The following ELOVL3 variants were observed in gnomAD, a reference collection of about 807,000 sequenced individuals.
ELOVL3 encodes the protein very long chain fatty acid elongase 3.
Under a neutral mutation model 14.9 loss-of-function variants are expected in ELOVL3, and 11 were observed. The observed-to-expected ratio is 0.74, with a 90% confidence interval of 0.46 to 1.22. The LOEUF is 1.22. Ranked by LOEUF, ELOVL3 falls within the 50% of genes most tolerant of loss-of-function variation. ELOVL3 has a pLI of 0.00. For missense variants in ELOVL3, 277 were observed against 338.9 expected, an observed-to-expected ratio of 0.82 and a Z score of 1.43; for synonymous variants, 117 against 124.7, an observed-to-expected ratio of 0.94 and a Z score of 0.41.
rs1024550373 is a variant in ELOVL3, at chr10:102,226,309, G to C, written c.-240G>C. ...GGATAGCGGCGGGGCGCAGGAAAGA[G>C]GTCGCGCCAGCCCGGGCAGGCAGCT... is the stretch of plus-strand genomic sequence containing the variant. On this transcript the variant is annotated 5_prime_UTR_variant, in exon 1 of 4. Transcript: ENST00000370005. 6.1e-6 allele frequency: 3 copies of C among 492,176 alleles called. No individual in the cohort carries two copies. The highest frequency in any genetic ancestry group is 6.0e-5 in the African/African-American group (3 of 50,208). 30.5% of individuals were successfully genotyped at this position (492,176 alleles called of 1,614,324 possible). A position where few individuals can be genotyped will look rare whatever the true frequency, so the allele number is the denominator to read the frequency against.
Position 102,226,626 on chromosome 10 carries a change from G to A in ELOVL3, c.78G>A (p.Met26Ile), listed in dbSNP as rs1026254028. The change falls in exon 1 of 4, where the codon ATG (methionine) becomes ATA (isoleucine). Residue 26 changes from methionine to isoleucine, a missense_variant. By Grantham distance (10) the Met-to-Ile change is conservative (BLOSUM62 1). Transcript: ENST00000370005. ...QPYNFELSKDMRPFFEEYWAT... is the reference protein window; with the variant it reads ...QPYNFELSKDIRPFFEEYWAT... ...ATAACTTCGAGCTGTCCAAGGACAT[G>A]AGGCCCTTTTTCGAGGAGTATTGGT... 3.1e-6 allele frequency: 5 copies of A among 1,614,020 alleles called. No individual in the cohort carries two copies. Among genetic ancestry groups the A allele is most frequent in the Admixed American group, 3.3e-5 (2 of 60,022 alleles).
upstream of ELOVL3, among the ~76,000 whole-genome samples, chr10:102,225,737 A>C (rs1235729609): frequency 6.6e-6 from 1 of 152,164 alleles, no homozygotes; most frequent in Non-Finnish European, 1.5e-5. Context: ...GTCAGTCTGG[A>C]GCAGTTCAGG....
At position 102,228,586 on chromosome 10, in the gene ELOVL3, G is replaced by A; in HGVS notation, c.385+18G>A. The A allele has an allele frequency of 6.2e-7, 1 of 1,613,128 alleles. No individual in the cohort carries two copies. Among genetic ancestry groups the A allele is most frequent in the Non-Finnish European group, 8.5e-7 (1 of 1,179,438 alleles). ...AGAACTCGGTGAGTGGCAAAGCTTT[G>A]TCTTTCTGGTGCCTTGTGAACTGCA... On this transcript the variant is annotated intron_variant, in intron 3 of 3. Coordinates refer to ENST00000370005, the MANE Select transcript of ELOVL3 (RefSeq NM_152310.3).
Position 102,229,503 on chromosome 10 carries a change from A to G in ELOVL3, c.*251A>G. The stretch of plus-strand genomic sequence containing the variant: ...CCCTGGGATGGGAGTGGGGCGGAGG[A>G]GGGTCCTAAGAGCTGATTATTTAAT... On this transcript the variant is annotated 3_prime_UTR_variant, in exon 4 of 4. Transcript: ENST00000370005. 4 of 459,276 alleles carry G rather than the reference A, an allele frequency of 8.7e-6. No homozygotes were observed. Among genetic ancestry groups the G allele is most frequent in the Admixed American group, 3.9e-5 (1 of 25,880 alleles). 28.5% of individuals were successfully genotyped at this position (459,276 alleles called of 1,614,324 possible).
intron 2 of ELOVL3, among the ~76,000 whole-genome samples, 167 bp downstream of exon 2, chr10:102,227,924 CTGTTA>C (rs2070152221): frequency 6.6e-6 from 1 of 152,106 alleles, no homozygotes; most frequent in South Asian, 2.1e-4. Context: ...TCACCCTCTT[CTGTTA>C]TATTATCCTG....
upstream of ELOVL3, among the ~76,000 whole-genome samples, chr10:102,226,103 C>G (rs971789736): frequency 6.6e-6 from 1 of 152,168 alleles, no homozygotes; most frequent in South Asian, 2.1e-4. Flanking sequence ...ACCCGCAAGG[C>G]CGCACAGGAT....
chr10:102,228,871 T>C lies in ELOVL3; in HGVS notation c.432T>C (p.Ile144=), dbSNP rs1590403554. ...TGCGTAAGCGGCCACTCATCTTTAT[T>C]CACTGGTACCACCACAGCACAGTGC... is the stretch of plus-strand genomic sequence containing the variant. The part of the protein sequence containing the change: ...IILRKRPLIF[I]HWYHHSTVLV... Residue 144 remains isoleucine, a synonymous_variant, in exon 4 of 4, where the codon ATT becomes ATC. Coordinates refer to ENST00000370005, the MANE Select transcript of ELOVL3 (RefSeq NM_152310.3). The C allele has an allele frequency of 6.2e-7, 1 of 1,613,988 alleles. No homozygotes were observed. Among genetic ancestry groups the C allele is most frequent in the Non-Finnish European group, 8.5e-7 (1 of 1,179,882 alleles).
rs1253792353 is a variant in ELOVL3, at chr10:102,229,251, G to A, written c.812G>A (p.Ter271=). ...PKVKAKTKSQ[*] ...GTCAAAGCCAAGACCAAGAGCCAGT[G>A]AAGGTTTGGAGAGAACAATGAAGCT... is the stretch of plus-strand genomic sequence containing the variant. Residue 271 remains the stop codon, a stop_retained_variant, in exon 4 of 4, where the codon TGA becomes TAA. Transcript: ENST00000370005. 3 of 1,606,076 alleles carry A rather than the reference G, an allele frequency of 1.9e-6. No homozygotes were observed. Among genetic ancestry groups the A allele is most frequent in the Admixed American group, 3.3e-5 (2 of 59,766 alleles).
chr10:102,226,536 T>A lies in ELOVL3; in HGVS notation c.-13T>A. Reference sequence around the variant, plus strand: ...CGCCTCCAAGCTTTGGACCTTGACTTCTGCAAAACTAGATGGTCACAGCCA... The same window carrying A: ...CGCCTCCAAGCTTTGGACCTTGACTACTGCAAAACTAGATGGTCACAGCCA... On this transcript the variant is annotated 5_prime_UTR_variant, in exon 1 of 4. Coordinates refer to ENST00000370005, the MANE Select transcript of ELOVL3 (RefSeq NM_152310.3). The A allele has an allele frequency of 6.2e-7, 1 of 1,608,200 alleles. No individual in the cohort carries two copies. Among genetic ancestry groups the A allele is most frequent in the Non-Finnish European group, 8.5e-7 (1 of 1,175,000 alleles).
At chr10:102,226,881 A>G (rs1190096374) in intron 1 of ELOVL3, among the ~76,000 whole-genome samples, 1 of 152,048 alleles carries the variant, frequency 6.6e-6, no homozygotes, top group Non-Finnish European at 1.5e-5. Context: ...GGAAATATAC[A>G]GAAGTCAAAG....
chr10:102,226,393 G>A lies in ELOVL3; in HGVS notation c.-156G>A. The A allele has an allele frequency of 1.7e-6, 1 of 583,034 alleles. No individual in the cohort carries two copies. The highest frequency in any genetic ancestry group is 3.0e-6 in the Non-Finnish European group (1 of 328,390). The allele number at this position is 583,034 out of a possible 1,614,324, so 36.1% of individuals were successfully genotyped here. On this transcript the variant is annotated 5_prime_UTR_variant, in exon 1 of 4. Coordinates refer to ENST00000370005, the MANE Select transcript of ELOVL3 (RefSeq NM_152310.3). Reference sequence around the variant, plus strand: ...GCCCGGGATAGCTGGCTGCGCCGCCGCGCACATGCCTAGGTTCGACGCCCT... The same window carrying A: ...GCCCGGGATAGCTGGCTGCGCCGCCACGCACATGCCTAGGTTCGACGCCCT...
At chr10:102,227,567 G>A (rs1343863548) in intron 1 of ELOVL3, 59 bp from the exon 2 acceptor site, 11 of 1,563,092 alleles carry the variant, frequency 7.0e-6, no homozygotes, top group Admixed American at 1.8e-5. Context: ...AGAGATGAGT[G>A]GGCATTTCTC....
upstream of ELOVL3, among the ~76,000 whole-genome samples, chr10:102,225,414 A>C (rs1018903688): frequency 2.0e-4 from 30 of 152,128 alleles, no homozygotes; most frequent in African/African-American, 7.2e-4. Context: ...GTTTCTTAGC[A>C]CTTTTTGCAA....
rs1303888214 is a variant in ELOVL3, at chr10:102,229,225, G to T, written c.786G>T (p.Lys262Asn). 1.2e-6 allele frequency: 2 copies of T among 1,612,572 alleles called. No individual in the cohort carries two copies. The highest frequency in any genetic ancestry group is 2.7e-5 in the African/African-American group (2 of 74,908). The change falls in exon 4 of 4, where the codon AAG becomes AAT. Residue 262 changes from lysine (K) to asparagine (N), a missense_variant. Lys to Asn is a moderately conservative substitution (Grantham distance 94, BLOSUM62 0). Transcript: ENST00000370005. ...TCTGCCAGACCTACATCAGGCCCAA[G>T]GTCAAAGCCAAGACCAAGAGCCAGT... ...HFFCQTYIRP[K>N]VKAKTKSQ
At chr10:102,227,571 A>G in intron 1 of ELOVL3, 55 bp from the exon 2 acceptor site, 1 of 1,569,272 alleles carries the variant, frequency 6.4e-7, no homozygotes, top group South Asian at 1.2e-5. Context: ...ATGAGTGGGC[A>G]TTTCTCTAAT....
Position 102,229,337 on chromosome 10 carries a change from G to T in ELOVL3, c.*85G>T. 7.4e-7 allele frequency: 1 copy of T among 1,352,372 alleles called. No homozygotes were observed. The highest frequency in any genetic ancestry group is 1.0e-6 in the Non-Finnish European group (1 of 997,480). The allele number at this position is 1,352,372 out of a possible 1,614,324, so 83.8% of individuals were successfully genotyped here. ...GGCTTAGTTTTGGGAGAATGATTAG[G>T]TTGCCTTACCTGCATGGTTTCCCCA... On this transcript the variant is annotated 3_prime_UTR_variant, in exon 4 of 4. Coordinates refer to ENST00000370005, the MANE Select transcript of ELOVL3 (RefSeq NM_152310.3).
intron 3 of ELOVL3, 69 bp from the exon 4 acceptor site, chr10:102,228,756 C>A: frequency 6.7e-7 from 1 of 1,500,866 alleles, no homozygotes; most frequent in South Asian, 1.3e-5. Flanking sequence ...TCTCCCGTGT[C>A]CCTACATCCA....
chr10:102,226,089 G>A (rs182921463), upstream of ELOVL3, among the ~76,000 whole-genome samples: 1 of 152,290 alleles, frequency 6.6e-6, no homozygotes, highest in African/African-American at 2.4e-5. Flanking sequence ...ACAGTTCCAA[G>A]GGAACCCGCA....
chr10:102,229,535 CCAGAAAT>C lies in ELOVL3; in HGVS notation c.*285_*291del, dbSNP rs771423243. ...TAAGAGCTGATTATTTAATTTCTAT[CCAGAAAT>C]CTTTCTTCTTCTTGCTCTGTTTTTT... On this transcript the variant is annotated 3_prime_UTR_variant, in exon 4 of 4. Coordinates refer to ENST00000370005, the MANE Select transcript of ELOVL3 (RefSeq NM_152310.3). 2.7e-4 allele frequency: 77 copies of C among 288,336 alleles called. No individual in the cohort carries two copies. The highest frequency in any genetic ancestry group is 4.5e-4 in the Non-Finnish European group (69 of 153,022). 17.9% of individuals were successfully genotyped at this position (288,336 alleles called of 1,614,324 possible). A position where few individuals can be genotyped will look rare whatever the true frequency, so the allele number is the denominator to read the frequency against.
Sources: allele counts gnomAD v4.1 joint callset (sites outside exome capture counted in the v4.1 genomes callset), GRCh38; gene constraint gnomAD v4.1.1; transcripts MANE v1.5; gene names NCBI Gene and HGNC (gene_info 2026-07-23, HGNC 2026-07-21).